The following GALNT11 variants were observed in gnomAD, a reference collection of about 807,000 sequenced individuals.
The protein encoded by GALNT11 is polypeptide N-acetylgalactosaminyltransferase 11.
A neutral mutation model predicts 72.7 loss-of-function variants in GALNT11; 47 were observed. The observed-to-expected ratio is 0.65, with a 90% confidence interval of 0.51 to 0.82. GALNT11 has a LOEUF of 0.82. GALNT11 is among the 40% of genes least tolerant of loss of function. GALNT11 has a pLI of 0.00. For synonymous variants in GALNT11, 270 were observed against 286.6 expected (o/e 0.94, Z 0.58); for missense variants, 677 against 778.4 (o/e 0.87, Z 1.55).
At position 152,044,746 on chromosome 7, in the gene GALNT11, G is replaced by C. The variant is rs961420744; in HGVS notation, c.-39+18862G>C. 5.7e-4 allele frequency among the ~76,000 whole-genome samples: 87 copies of C among 151,940 alleles called. 3 individuals carry two copies. ...TATCATCTGCAAACAAGGGTACTTTGACTTCTTCCTTTCTAATTTGGATGC... is the reference window on the plus strand; with the variant it reads ...TATCATCTGCAAACAAGGGTACTTTCACTTCTTCCTTTCTAATTTGGATGC... On this transcript the variant is annotated intron_variant, in intron 1 of 11. Coordinates refer to ENST00000430044, the MANE Select transcript of GALNT11 (RefSeq NM_022087.4).
chr7:152,088,771 G>T (rs567726106), intron 1 of GALNT11, among the ~76,000 whole-genome samples: 1 of 152,074 alleles, frequency 6.6e-6, no homozygotes, highest in African/African-American at 2.4e-5. Context: ...GTACTACAGG[G>T]CATCCAGGTT....
chr7:152,121,018 TGAGTGAGG>T (rs1413839144), intron 11 of GALNT11, 50 bp downstream of exon 11: 1 of 1,587,838 alleles, frequency 6.3e-7, no homozygotes, highest in East Asian at 2.3e-5. Flanking sequence ...CCCACAAGGT[TGAGTGAGG>T]GAGTGTGGCA....
chr7:152,048,951 T>C (rs1358385786), intron 1 of GALNT11, among the ~76,000 whole-genome samples: 1 of 151,688 alleles, frequency 6.6e-6, no homozygotes, highest in African/African-American at 2.4e-5. Flanking sequence ...ATTTTATAGC[T>C]CCAGAATTTC....
At chr7:152,097,763 T>C (rs146856753) in intron 2 of GALNT11, among the ~76,000 whole-genome samples, 86 of 152,336 alleles carry the variant, frequency 5.6e-4, no homozygotes, top group African/African-American at 1.8e-3. Context: ...GGTCACATGT[T>C]GTAGGGTTCC....
At chr7:152,044,913 CTG>C (rs1367965348) in intron 1 of GALNT11, among the ~76,000 whole-genome samples, 1 of 151,802 alleles carries the variant, frequency 6.6e-6, no homozygotes, top group African/African-American at 2.4e-5. Context: ...ATGATACTAA[CTG>C]TGGGTTTATT....
intron 1 of GALNT11, among the ~76,000 whole-genome samples, chr7:152,041,076 T>A (rs977974736): frequency 6.6e-6 from 1 of 152,208 alleles, no homozygotes; most frequent in Non-Finnish European, 1.5e-5. Flanking sequence ...TTGACATGGC[T>A]GCAACTGGGA....
At chr7:152,077,854 C>G (rs1476314700) in intron 1 of GALNT11, among the ~76,000 whole-genome samples, 2 of 151,978 alleles carry the variant, frequency 1.3e-5, no homozygotes, top group Admixed American at 1.3e-4. Context: ...AATTACCAGA[C>G]AGACGCTAAA....
chr7:152,072,776 T>C (rs1300942797), intron 1 of GALNT11, among the ~76,000 whole-genome samples: 1 of 152,232 alleles, frequency 6.6e-6, no homozygotes, highest in Non-Finnish European at 1.5e-5. Context: ...CTCCAGCCAA[T>C]GGAGTCAGAA....
At position 152,103,284 on chromosome 7, in the gene GALNT11, G is replaced by T. The variant is rs528603063; in HGVS notation, c.586+6G>T. On this transcript the variant is annotated splice_donor_region_variant and intron_variant, in intron 4 of 11. Coordinates refer to ENST00000430044, the MANE Select transcript of GALNT11 (RefSeq NM_022087.4). The stretch of plus-strand genomic sequence containing the variant: ...GGATGATGATAGTGACTTTGGTAAG[G>T]AATGCTGCACCTGGTAACATTGGAT... The T allele has an allele frequency of 1.3e-5, 21 of 1,611,170 alleles. No homozygotes were observed. In the South Asian group the frequency reaches 2.2e-4, roughly 17 times the overall value.
At chr7:152,084,124 T>C (rs2085481809) in intron 1 of GALNT11, among the ~76,000 whole-genome samples, 1 of 152,122 alleles carries the variant, frequency 6.6e-6, no homozygotes, top group Non-Finnish European at 1.5e-5. Context: ...TGGTAGTTTG[T>C]TTTTGTTGTT....
intron 1 of GALNT11, among the ~76,000 whole-genome samples, chr7:152,052,534 C>T (rs77536118): frequency 0.042 from 6,419 of 152,192 alleles, 446 homozygotes; most frequent in African/African-American, 0.15. Flanking sequence ...TAAAGATCTT[C>T]GTACCTTACT....
At chr7:152,115,537 A>C (rs962668778) in intron 8 of GALNT11, among the ~76,000 whole-genome samples, 2 of 152,188 alleles carry the variant, frequency 1.3e-5, no homozygotes, top group Non-Finnish European at 2.9e-5. Flanking sequence ...CAGTTGTTTG[A>C]GTTATGGGCG....
intron 1 of GALNT11, among the ~76,000 whole-genome samples, chr7:152,093,461 G>A (rs144953635): frequency 7.1e-4 from 107 of 151,728 alleles, no homozygotes; most frequent in African/African-American, 2.4e-3. Flanking sequence ...AGTCTTGCTC[G>A]GTTGCCCAGG....
chr7:152,039,967 G>T (rs958881447), intron 1 of GALNT11, among the ~76,000 whole-genome samples: 1 of 151,974 alleles, frequency 6.6e-6, no homozygotes, highest in Non-Finnish European at 1.5e-5. Flanking sequence ...ATTGTATGCG[G>T]GCTGTCCTGT....
chr7:152,100,489 C>T (rs1219650875), intron 2 of GALNT11, among the ~76,000 whole-genome samples: 2 of 151,542 alleles, frequency 1.3e-5, no homozygotes, highest in African/African-American at 4.9e-5. Context: ...TCGCTTGAAC[C>T]AGGGAGTTGG....
At chr7:152,093,666 T>C (rs949030103) in intron 1 of GALNT11, among the ~76,000 whole-genome samples, 4 of 152,126 alleles carry the variant, frequency 2.6e-5, no homozygotes, top group Non-Finnish European at 5.9e-5. Flanking sequence ...TGACCTCAAA[T>C]GATCCGCCCA....
intron 1 of GALNT11, among the ~76,000 whole-genome samples, chr7:152,038,774 C>A (rs2082708777): frequency 6.6e-6 from 1 of 152,230 alleles, no homozygotes; most frequent in Admixed American, 6.5e-5. Flanking sequence ...AAGTGTTTTT[C>A]TCCATTTGAA....
intron 1 of GALNT11, among the ~76,000 whole-genome samples, chr7:152,053,518 T>G (rs2083497231): frequency 6.6e-6 from 1 of 152,268 alleles, no homozygotes; most frequent in African/African-American, 2.4e-5. Flanking sequence ...GTCTGCATCC[T>G]CATTCCATAT....
At chr7:152,110,869 T>A (rs1388512846) in intron 7 of GALNT11, among the ~76,000 whole-genome samples, 1 of 151,902 alleles carries the variant, frequency 6.6e-6, no homozygotes, top group Non-Finnish European at 1.5e-5. Flanking sequence ...TAGCTGGGAC[T>A]ACAGGCATGT....
Sources: gnomAD v4.1 joint callset for allele counts (sites outside exome capture counted in the v4.1 genomes callset) on GRCh38, gnomAD v4.1.1 for gene constraint, MANE v1.5 for transcripts, NCBI Gene and HGNC (gene_info 2026-07-23, HGNC 2026-07-21) for gene names.